Variants in POLA1 observed in about 807,000 individuals in gnomAD.
POLA1 encodes the protein DNA polymerase alpha 1, catalytic subunit.
POLA1 carries 15 observed loss-of-function variants against 124.0 expected under a neutral mutation model. The ratio of observed to expected loss-of-function variants is 0.12; its 90% CI spans 0.08 to 0.19. POLA1 has a LOEUF of 0.19. Among genes scored for constraint, POLA1 ranks in the 10% least tolerant of loss-of-function variants. POLA1 has a pLI of 1.00. For missense variants in POLA1, 886 were observed against 1,103.4 expected (o/e 0.80, Z 2.79); for synonymous variants, 408 against 389.4 (o/e 1.05, Z -0.56).
intron 35 of POLA1, among the ~76,000 whole-genome samples, chrX:24,917,515 C>G (rs945267084): frequency 5.4e-5 from 6 of 111,890 alleles, no homozygotes; most frequent in African/African-American, 1.6e-4. Context: ...TGAATAACTA[C>G]TTATTCAAAA....
At chrX:24,793,800 G>A (rs968000149) in intron 26 of POLA1, among the ~76,000 whole-genome samples, 10 of 109,868 alleles carry the variant, frequency 9.1e-5, no homozygotes, top group Admixed American at 3.9e-4. Context: ...GGCCAGGCTG[G>A]TGTTGAACTC....
intron 28 of POLA1, among the ~76,000 whole-genome samples, chrX:24,812,045 C>G (rs1423606049): frequency 8.9e-6 from 1 of 112,326 alleles, no homozygotes; most frequent in Admixed American, 9.4e-5. Context: ...GAATGGTAGT[C>G]TTCACTTGAC....
Position 24,723,084 on chromosome X carries a change from C to T in POLA1, c.1088-71C>T, listed in dbSNP as rs990401882. The T allele has an allele frequency of 1.4e-5, 10 of 712,800 alleles. No homozygotes were observed. In the Admixed American group the frequency reaches 2.1e-4, roughly 15 times the overall value. The allele number at this position is 712,800 out of a possible 1,213,427, so 58.7% of individuals were successfully genotyped here. The stretch of plus-strand genomic sequence containing the variant: ...AAATGTGTGGACACATTCAGTGAGC[C>T]TCTATATTGTTCCTTTAATTAGGTG... On this transcript the variant is annotated intron_variant, in intron 10 of 36. Coordinates refer to ENST00000379068, the MANE Select transcript of POLA1 (RefSeq NM_001330360.2).
chrX:24,917,234 C>G (rs188512200), intron 35 of POLA1, among the ~76,000 whole-genome samples: 1,137 of 108,040 alleles, frequency 0.011, 8 homozygotes, highest in Middle Eastern at 0.028. Context: ...TGCAGTGAGC[C>G]GAGATTGCAC....
chrX:24,778,306 C>T (rs2045183280), intron 26 of POLA1, among the ~76,000 whole-genome samples: 1 of 111,409 alleles, frequency 9.0e-6, no homozygotes, highest in African/African-American at 3.3e-5. Context: ...TCTCGGCTCA[C>T]TGCACCCTCC....
At chrX:24,966,305 G>A (rs778342087) in intron 36 of POLA1, among the ~76,000 whole-genome samples, 69 of 111,363 alleles carry the variant, frequency 6.2e-4, no homozygotes, top group African/African-American at 2.0e-3. Flanking sequence ...GTCAACTGCT[G>A]TAAATGTACC....
intron 17 of POLA1, among the ~76,000 whole-genome samples, chrX:24,735,184 T>C (rs1288314700): frequency 8.9e-6 from 1 of 112,449 alleles, no homozygotes; most frequent in East Asian, 2.8e-4. Flanking sequence ...AATATTTTGC[T>C]TTATTCACAT....
intron 34 of POLA1, among the ~76,000 whole-genome samples, chrX:24,869,264 A>G (rs1320035626): frequency 1.8e-5 from 2 of 112,462 alleles, no homozygotes; most frequent in East Asian, 5.6e-4. Context: ...CAAGTCTTTT[A>G]TGGCAGTTTG....
At chrX:24,925,953 A>G (rs2047684348) in intron 35 of POLA1, among the ~76,000 whole-genome samples, 1 of 111,510 alleles carries the variant, frequency 9.0e-6, no homozygotes, top group Non-Finnish European at 1.9e-5. Context: ...CACAAACACA[A>G]TATTGAGAAA....
chrX:24,987,496 C>T (rs2048492338), intron 36 of POLA1, among the ~76,000 whole-genome samples: 1 of 112,418 alleles, frequency 8.9e-6, no homozygotes, highest in African/African-American at 3.2e-5. Flanking sequence ...CAGTGCCTTG[C>T]ATGTAGCAGG....
In POLA1 at chrX:24,809,934, ATGT is replaced by A. The variant is rs760216652; in HGVS notation, c.2997+7_2997+9del. ...TACGAAAGAGATGGTACAAAAGGTA[ATGT>A]TGAGCATTTTCATTGTGTAAAACTT... On this transcript the variant is annotated splice_donor_5th_base_variant and intron_variant, in intron 27 of 36. Transcript: ENST00000379068. 1 of 1,076,294 alleles carries A rather than the reference ATGT, an allele frequency of 9.3e-7. No homozygotes were observed. Among genetic ancestry groups the A allele is most frequent in the Non-Finnish European group, 1.3e-6 (1 of 786,479 alleles). 88.7% of individuals were successfully genotyped at this position (1,076,294 alleles called of 1,213,427 possible).
At chrX:24,917,860 T>C (rs112366502) in intron 35 of POLA1, among the ~76,000 whole-genome samples, 1,225 of 111,841 alleles carry the variant, frequency 0.011, 18 homozygotes, top group African/African-American at 0.038. Flanking sequence ...TTAATGTGAA[T>C]TGAGGGCTTA....
chrX:24,814,867 GT>G, intron 29 of POLA1, 111 bp from the exon 30 acceptor site: 3 of 720,368 alleles, frequency 4.2e-6, no homozygotes, highest in Non-Finnish European at 5.8e-6. Flanking sequence ...TGTAGCTAAT[GT>G]TAACCACATG....
chrX:24,885,395 T>C (rs757582126), intron 34 of POLA1, among the ~76,000 whole-genome samples: 2 of 112,110 alleles, frequency 1.8e-5, no homozygotes, highest in Non-Finnish European at 3.8e-5. Context: ...AGAAAACAAC[T>C]AGTCTTACCT....
At chrX:24,715,699 A>T (rs1412964055) in intron 6 of POLA1, among the ~76,000 whole-genome samples, 2 of 111,613 alleles carry the variant, frequency 1.8e-5, no homozygotes, top group East Asian at 5.6e-4. Flanking sequence ...TTAGGTGAGT[A>T]TTTCCAGCTG....
chrX:24,867,083 CTT>C (rs1326845625), intron 34 of POLA1, among the ~76,000 whole-genome samples: 2 of 89,737 alleles, frequency 2.2e-5, no homozygotes, highest in African/African-American at 7.7e-5. Flanking sequence ...CACAATAAAA[CTT>C]GATTTTTTTT....
At chrX:24,761,094 A>G (rs1569299799) in intron 26 of POLA1, among the ~76,000 whole-genome samples, 1 of 112,196 alleles carries the variant, frequency 8.9e-6, no homozygotes, top group Non-Finnish European at 1.9e-5. Flanking sequence ...TTAAAAGAGC[A>G]ACAAAGCATG....
At chrX:24,732,024 A>G (rs1414975306) in intron 15 of POLA1, among the ~76,000 whole-genome samples, 2 of 112,076 alleles carry the variant, frequency 1.8e-5, no homozygotes, top group Non-Finnish European at 3.8e-5. Context: ...GTGCGATCTC[A>G]GTTCACTACA....
intron 34 of POLA1, among the ~76,000 whole-genome samples, chrX:24,884,838 T>C (rs1465214924): frequency 1.8e-5 from 2 of 111,574 alleles, no homozygotes; most frequent in Non-Finnish European, 3.8e-5. Context: ...AATAGAGAGG[T>C]GACAAAGGAA....
Sources: allele counts gnomAD v4.1 joint callset (sites outside exome capture counted in the v4.1 genomes callset), GRCh38; gene constraint gnomAD v4.1.1; transcripts MANE v1.5; gene names NCBI Gene and HGNC (gene_info 2026-07-23, HGNC 2026-07-21).